SCFD2: variants seen among roughly 807,000 people sequenced by gnomAD.
SCFD2 encodes sec1 family domain containing 2, also known as sec1 family domain-containing protein 2.
In SCFD2, 54 loss-of-function variants were observed where a neutral mutation model predicts 58.9. That is an observed-to-expected ratio of 0.92 (90% CI 0.74 to 1.15). The LOEUF is 1.15. Ranked by LOEUF, SCFD2 falls within the 50% of genes most tolerant of loss-of-function variation. The probability of loss-of-function intolerance (pLI) is 0.00; values close to 1 mark genes in which losing one functional copy is unlikely to be tolerated. For synonymous variants in SCFD2, 321 were observed against 335.9 expected (o/e 0.96, Z 0.49); for missense variants, 805 against 836.6 (o/e 0.96, Z 0.47).
chr4:53,219,588 T>C (rs1419267158), intron 4 of SCFD2, among the ~76,000 whole-genome samples: 1 of 152,138 alleles, frequency 6.6e-6, no homozygotes, highest in Non-Finnish European at 1.5e-5. Context: ...ACTTCCTGGG[T>C]GAGGTGATGC....
At chr4:52,928,518 G>T (rs1203862449) in intron 5 of SCFD2, among the ~76,000 whole-genome samples, 1 of 152,072 alleles carries the variant, frequency 6.6e-6, no homozygotes, top group African/African-American at 2.4e-5. Context: ...AACTATCTAG[G>T]TGAGGTCACA....
intron 5 of SCFD2, among the ~76,000 whole-genome samples, chr4:52,984,231 T>A (rs754351020): frequency 6.6e-6 from 1 of 152,230 alleles, no homozygotes; most frequent in Non-Finnish European, 1.5e-5. Context: ...GGAGGCTATA[T>A]TGGATATATT....
intron 1 of SCFD2, among the ~76,000 whole-genome samples, chr4:53,361,009 G>T (rs1734534409): frequency 6.6e-6 from 1 of 151,920 alleles, no homozygotes; most frequent in Non-Finnish European, 1.5e-5. Context: ...ATTAAATATT[G>T]TTTCACTGAT....
chr4:53,027,164 C>T (rs1157665677), intron 5 of SCFD2, among the ~76,000 whole-genome samples: 1 of 152,188 alleles, frequency 6.6e-6, no homozygotes, highest in Non-Finnish European at 1.5e-5. Flanking sequence ...GCAAACACAT[C>T]CTCTCAGCTT....
chr4:53,299,240 A>C (rs1291805396), intron 3 of SCFD2, among the ~76,000 whole-genome samples: 2 of 152,212 alleles, frequency 1.3e-5, no homozygotes, highest in East Asian at 3.9e-4. Context: ...CAATGCAGAG[A>C]AGTCCTTAAA....
chr4:52,890,396 T>C (rs1003989984), intron 7 of SCFD2, among the ~76,000 whole-genome samples: 1 of 152,160 alleles, frequency 6.6e-6, no homozygotes, highest in South Asian at 2.1e-4. Context: ...CATGTTGGTG[T>C]TTGCTATTTT....
intron 4 of SCFD2, among the ~76,000 whole-genome samples, chr4:53,206,847 C>T (rs140125458): frequency 4.9e-4 from 75 of 152,136 alleles, no homozygotes; most frequent in African/African-American, 1.8e-3. Flanking sequence ...AGTTTGCCTG[C>T]TAAAAATTAA....
intron 5 of SCFD2, among the ~76,000 whole-genome samples, chr4:52,942,300 G>T (rs1720313895): frequency 6.6e-6 from 1 of 152,140 alleles, no homozygotes; most frequent in Admixed American, 6.5e-5. Flanking sequence ...TGGGTTGTGG[G>T]ACATAATGGA....
intron 2 of SCFD2, among the ~76,000 whole-genome samples, chr4:53,337,306 A>G (rs1173833574): frequency 1.3e-5 from 2 of 152,188 alleles, no homozygotes; most frequent in Non-Finnish European, 2.9e-5. Context: ...GAATTGGATT[A>G]GGGCCTACCA....
At chr4:53,009,951 G>A (rs746672670) in intron 5 of SCFD2, among the ~76,000 whole-genome samples, 9 of 152,076 alleles carry the variant, frequency 5.9e-5, no homozygotes, top group South Asian at 2.1e-4. Context: ...CTGGCCTACC[G>A]GAGCTCTGTG....
At chr4:53,108,287 A>G (rs922044132) in intron 5 of SCFD2, among the ~76,000 whole-genome samples, 4 of 152,210 alleles carry the variant, frequency 2.6e-5, no homozygotes, top group African/African-American at 9.6e-5. Flanking sequence ...TGTAAAGTTG[A>G]CATCCTAACA....
At chr4:53,034,921 T>C (rs1350982107) in intron 5 of SCFD2, among the ~76,000 whole-genome samples, 1 of 152,234 alleles carries the variant, frequency 6.6e-6, no homozygotes, top group East Asian at 1.9e-4. Flanking sequence ...ATACATTCAA[T>C]GCTATCCCCA....
intron 3 of SCFD2, among the ~76,000 whole-genome samples, chr4:53,293,353 T>C (rs1157130415): frequency 6.6e-6 from 1 of 151,748 alleles, no homozygotes; most frequent in Non-Finnish European, 1.5e-5. Context: ...AGCTAATGCA[T>C]GGTGGGCATA....
intron 4 of SCFD2, among the ~76,000 whole-genome samples, chr4:53,196,038 G>A (rs1257879985): frequency 2.0e-5 from 3 of 152,120 alleles, no homozygotes; most frequent in African/African-American, 7.2e-5. Context: ...ATCTAGGATA[G>A]TGTTTATATA....
intron 5 of SCFD2, among the ~76,000 whole-genome samples, chr4:53,112,765 T>C (rs1166114946): frequency 6.6e-6 from 1 of 152,070 alleles, no homozygotes; most frequent in South Asian, 2.1e-4. Context: ...GATTATCCCA[T>C]CAATCTTGAA....
At chr4:53,111,242 G>A (rs1222905257) in intron 5 of SCFD2, among the ~76,000 whole-genome samples, 5 of 152,050 alleles carry the variant, frequency 3.3e-5, no homozygotes, top group Non-Finnish European at 7.4e-5. Context: ...GGTAGGTGAT[G>A]GGTTGATGGG....
At chr4:53,271,882 A>G (rs1490537331) in intron 4 of SCFD2, among the ~76,000 whole-genome samples, 19 of 152,228 alleles carry the variant, frequency 1.2e-4, no homozygotes, top group Admixed American at 1.2e-3. Context: ...GAGCTTCTGC[A>G]CAGCAAAAGA....
At position 53,003,634 on chromosome 4, in the gene SCFD2, T is replaced by A. The variant is rs140674208; in HGVS notation, c.1562-82764A>T. Among the ~76,000 whole-genome samples the A allele has an allele frequency of 9.2e-5, 14 of 152,350 alleles. 1 individual carries two copies. The East Asian group carries it at 2.7e-3, about 29-fold the overall frequency. On this transcript the variant is annotated intron_variant, in intron 5 of 8. Transcript: ENST00000401642. ...AGTGATAAGGACAACAATAAAGTTG[T>A]GTCCCTGTACAGAAATTGCACAGAG...
chr4:53,283,485 C>A (rs1363916508), intron 3 of SCFD2, among the ~76,000 whole-genome samples: 1 of 152,136 alleles, frequency 6.6e-6, no homozygotes, highest in African/African-American at 2.4e-5. Context: ...AGGTTTGGAA[C>A]TATTGGATGG....
Sources: gnomAD v4.1 joint callset for allele counts (sites outside exome capture counted in the v4.1 genomes callset) on GRCh38, gnomAD v4.1.1 for gene constraint, MANE v1.5 for transcripts, NCBI Gene and HGNC (gene_info 2026-07-23, HGNC 2026-07-21) for gene names.